Variants in SLC30A7 observed in about 807,000 individuals in gnomAD.
SLC30A7 encodes solute carrier family 30 member 7, also known as zinc transporter 7.
Under a neutral mutation model 46.0 loss-of-function variants are expected in SLC30A7, and 35 were observed. That is an observed-to-expected ratio of 0.76 (90% CI 0.58 to 1.01). The LOEUF is 1.01. Ranked by LOEUF, SLC30A7 falls within the 50% of genes least tolerant of loss-of-function variation. The probability of loss-of-function intolerance (pLI) is 0.00; values close to 1 mark genes in which losing one functional copy is unlikely to be tolerated. For missense variants in SLC30A7, 464 were observed against 451.1 expected (o/e 1.03, Z -0.26); for synonymous variants, 147 against 157.8 (o/e 0.93, Z 0.51).
At chr1:100,944,708 T>C (rs956380864) in intron 8 of SLC30A7, among the ~76,000 whole-genome samples, 3 of 142,344 alleles carry the variant, frequency 2.1e-5, no homozygotes, top group Non-Finnish European at 4.5e-5. Flanking sequence ...CAGTCTATCA[T>C]TGATGGACAT....
chr1:100,925,373 A>T (rs551376530), intron 8 of SLC30A7, among the ~76,000 whole-genome samples: 4 of 152,204 alleles, frequency 2.6e-5, no homozygotes, highest in Admixed American at 6.5e-5. Context: ...CACAATAAGG[A>T]TATTTGTTTT....
intron 8 of SLC30A7, among the ~76,000 whole-genome samples, chr1:100,930,266 G>A (rs1386379734): frequency 6.6e-6 from 1 of 151,768 alleles, no homozygotes; most frequent in Non-Finnish European, 1.5e-5. Flanking sequence ...ACAAAGAAAA[G>A]CTTTTTAACC....
intron 8 of SLC30A7, among the ~76,000 whole-genome samples, chr1:100,935,351 G>T (rs886666318): frequency 9.2e-5 from 14 of 152,194 alleles, no homozygotes; most frequent in African/African-American, 3.4e-4. Context: ...GTTACATCCA[G>T]TGCTTTATGC....
At chr1:100,919,999 T>A (rs2101030097) in intron 7 of SLC30A7, among the ~76,000 whole-genome samples, 1 of 152,236 alleles carries the variant, frequency 6.6e-6, no homozygotes, top group East Asian at 1.9e-4. Flanking sequence ...AGTTTATGTT[T>A]CTTTCTTAGT....
intron 6 of SLC30A7, among the ~76,000 whole-genome samples, 195 bp downstream of exon 6, chr1:100,914,001 C>T (rs915840567): frequency 3.9e-5 from 6 of 152,088 alleles, no homozygotes; most frequent in South Asian, 2.1e-4. Context: ...AGTGGATGTT[C>T]GCTTTTTTCC....
chr1:100,950,959 A>G (rs562148128), intron 8 of SLC30A7, among the ~76,000 whole-genome samples: 6 of 152,318 alleles, frequency 3.9e-5, no homozygotes, highest in South Asian at 2.1e-4. Flanking sequence ...AGTTACCACT[A>G]TAGGCAACAG....
At chr1:100,972,590 G>C (rs1045862237) in intron 10 of SLC30A7, 1 of 151,946 alleles carries the variant, frequency 6.6e-6, no homozygotes, top group Non-Finnish European at 1.5e-5. Flanking sequence ...CCCAAGTTTT[G>C]CCCATTTTGC....
chr1:100,982,067 T>A (rs1191947396), downstream of SLC30A7, among the ~76,000 whole-genome samples: 1 of 152,256 alleles, frequency 6.6e-6, no homozygotes, highest in African/African-American at 2.4e-5. Flanking sequence ...CTTTGTCTTA[T>A]ATGACGTGAA....
chr1:100,915,704 A>T (rs1013689184), intron 6 of SLC30A7, among the ~76,000 whole-genome samples: 17 of 152,180 alleles, frequency 1.1e-4, no homozygotes, highest in African/African-American at 3.9e-4. Context: ...GCTTGCTTCC[A>T]TGTCTTGGCT....
intron 8 of SLC30A7, among the ~76,000 whole-genome samples, chr1:100,931,108 G>C (rs1653639426): frequency 1.3e-5 from 2 of 152,128 alleles, no homozygotes; most frequent in African/African-American, 4.8e-5. Flanking sequence ...AAAGAACACA[G>C]TGAGCATAGT....
chr1:100,992,815 C>G, the SLC30A7 span: 1 of 977,302 alleles, frequency 1.0e-6, no homozygotes. Flanking sequence ...AATTAGCTCT[C>G]CCAGGTATAC....
chr1:100,918,740 A>G (rs1308375313), intron 7 of SLC30A7, among the ~76,000 whole-genome samples: 1 of 152,172 alleles, frequency 6.6e-6, no homozygotes, highest in Non-Finnish European at 1.5e-5. Flanking sequence ...AAAGTGTTGA[A>G]TATCTCATGT....
At position 100,908,519 on chromosome 1, in the gene SLC30A7, G is replaced by A. The variant is rs917663430; in HGVS notation, c.296+1554G>A. On this transcript the variant is annotated intron_variant, in intron 3 of 10. Transcript: ENST00000357650. ...GATTTTAGTTATAAGCAAGGGATAT[G>A]GTTATTTTTGAAATTATAAAAAGTG... is the stretch of plus-strand genomic sequence containing the variant. Among the ~76,000 whole-genome samples the A allele has an allele frequency of 3.9e-5, 6 of 152,048 alleles. No individual in the cohort carries two copies. In the East Asian group the frequency reaches 1.2e-3, roughly 29 times the overall value.
chr1:100,918,055 A>C (rs2101027804), intron 6 of SLC30A7, 22 bp from the exon 7 acceptor site: 1 of 1,596,268 alleles, frequency 6.3e-7, no homozygotes, highest in Non-Finnish European at 8.6e-7. Context: ...AACATGTTTT[A>C]AAATAACTTA....
chr1:100,951,569 G>A (rs1291314454), intron 8 of SLC30A7, among the ~76,000 whole-genome samples: 1 of 152,126 alleles, frequency 6.6e-6, no homozygotes, highest in Non-Finnish European at 1.5e-5. Flanking sequence ...TCTTCAGTTA[G>A]CACTGTCTCC....
At chr1:100,915,156 TTCC>T (rs902231291) in intron 6 of SLC30A7, among the ~76,000 whole-genome samples, 4 of 151,612 alleles carry the variant, frequency 2.6e-5, no homozygotes, top group African/African-American at 9.7e-5. Context: ...CCTCCCTCCC[TTCC>T]TCACTTCTTT....
At chr1:100,959,341 C>T (rs924980759) in intron 8 of SLC30A7, among the ~76,000 whole-genome samples, 2 of 152,160 alleles carry the variant, frequency 1.3e-5, no homozygotes, top group Admixed American at 6.5e-5. Context: ...ACCCAAAAAC[C>T]TAGTAGCTAA....
chr1:100,933,521 C>T (rs1424482084), intron 8 of SLC30A7, among the ~76,000 whole-genome samples: 1 of 151,994 alleles, frequency 6.6e-6, no homozygotes, highest in African/African-American at 2.4e-5. Context: ...CACCCATTAA[C>T]TTGTCATTTA....
In SLC30A7 at chr1:100,912,186, A is replaced by G; in HGVS notation, c.459A>G (p.Leu153=). ...LVSILGFVVN[L]IGIFVFKHGG... The stretch of plus-strand genomic sequence containing the variant: ...CCATTCTTGGGTTTGTGGTAAACCT[A>G]ATAGGAATATTTGTTTTCAAACATG... Residue 153 remains leucine (L), a synonymous_variant, in exon 5 of 11, where the codon CTA becomes CTG. Coordinates refer to ENST00000357650, the MANE Select transcript of SLC30A7 (RefSeq NM_133496.5). 6.2e-7 allele frequency: 1 copy of G among 1,613,936 alleles called. No individual in the cohort carries two copies. The highest frequency in any genetic ancestry group is 1.6e-4 in the Middle Eastern group (1 of 6,062).
Sources: gnomAD v4.1 joint callset for allele counts (sites outside exome capture counted in the v4.1 genomes callset) on GRCh38, gnomAD v4.1.1 for gene constraint, MANE v1.5 for transcripts, NCBI Gene and HGNC (gene_info 2026-07-23, HGNC 2026-07-21) for gene names.